The following RALY variants were observed in gnomAD, a reference collection of about 807,000 sequenced individuals.
The protein encoded by RALY is RALY heterogeneous nuclear ribonucleoprotein.
A neutral mutation model predicts 30.7 loss-of-function variants in RALY; 15 were observed. That is an observed-to-expected ratio of 0.49 (90% confidence interval 0.33 to 0.75). The LOEUF is 0.75. Among genes scored for constraint, RALY ranks in the 30% least tolerant of loss-of-function variants. The probability of loss-of-function intolerance (pLI) is 0.02; values close to 1 mark genes in which losing one functional copy is unlikely to be tolerated. For synonymous variants in RALY, 177 were observed against 170.8 expected (o/e 1.04, Z -0.28); for missense variants, 339 against 414.3 (o/e 0.82, Z 1.58).
chr20:34,026,417 T>G (rs1005763704), intron 1 of RALY, among the ~76,000 whole-genome samples: 1 of 147,534 alleles, frequency 6.8e-6, no homozygotes, highest in Non-Finnish European at 1.5e-5. Flanking sequence ...TTTATTTATT[T>G]ATTGAGGCGG....
chr20:34,001,907 C>T (rs2030934343), intron 1 of RALY, among the ~76,000 whole-genome samples: 3 of 152,126 alleles, frequency 2.0e-5, no homozygotes, highest in Admixed American at 2.0e-4. Flanking sequence ...GCTGGGACTG[C>T]AGGTGCCCAC....
intron 1 of RALY, among the ~76,000 whole-genome samples, chr20:34,012,769 G>A (rs982336603): frequency 6.6e-6 from 1 of 152,226 alleles, no homozygotes; most frequent in East Asian, 1.9e-4. Context: ...CAAGGCTCAT[G>A]CAGTCTGGTG....
chr20:34,055,122 C>T (rs945508161), intron 2 of RALY, among the ~76,000 whole-genome samples: 3 of 152,102 alleles, frequency 2.0e-5, no homozygotes, highest in Non-Finnish European at 2.9e-5. Context: ...ATACAGCCAA[C>T]GTATAGCAGA....
At chr20:34,027,236 T>TA (rs1294696200) in intron 1 of RALY, among the ~76,000 whole-genome samples, 1 of 152,066 alleles carries the variant, frequency 6.6e-6, no homozygotes, top group South Asian at 2.1e-4. Context: ...GGCTCTGGAG[T>TA]AAAGTAAAGC....
In RALY at chr20:34,044,327, C is replaced by CT. The variant is rs754831156; in HGVS notation, c.-10+12736dup. Among the ~76,000 whole-genome samples, 661 of 145,022 alleles carry CT rather than the reference C, an allele frequency of 4.6e-3. 6 individuals are homozygous for CT. The highest frequency in any genetic ancestry group is 0.013 in the African/African-American group (503 of 39,820). ...TAGCTGTGTGTTGGTATGTGCGTTA[C>CT]TTTTTTTTTTTTTCCGAGATGGGGT... is the stretch of plus-strand genomic sequence containing the variant. On this transcript the variant is annotated intron_variant, in intron 2 of 9. Coordinates refer to ENST00000246194, the MANE Select transcript of RALY (RefSeq NM_016732.3).
chr20:34,005,321 C>T (rs977050159), intron 1 of RALY, among the ~76,000 whole-genome samples: 8 of 152,054 alleles, frequency 5.3e-5, no homozygotes, highest in Admixed American at 2.0e-4. Flanking sequence ...ACCATCCTGA[C>T]GGAGTAGTGA....
intron 2 of RALY, among the ~76,000 whole-genome samples, chr20:34,051,510 A>G (rs2033076261): frequency 6.6e-6 from 1 of 152,204 alleles, no homozygotes; most frequent in Non-Finnish European, 1.5e-5. Flanking sequence ...AGTACAGAAC[A>G]TGTGTTAGGA....
chr20:34,024,382 G>A (rs1357255983), intron 1 of RALY, among the ~76,000 whole-genome samples: 1 of 152,218 alleles, frequency 6.6e-6, no homozygotes, highest in Non-Finnish European at 1.5e-5. Flanking sequence ...AATTCCTGCA[G>A]GGTTGGATCT....
At chr20:34,015,598 T>TA (rs1482240765) in intron 1 of RALY, among the ~76,000 whole-genome samples, 73 of 152,140 alleles carry the variant, frequency 4.8e-4, no homozygotes, top group African/African-American at 1.7e-3. Flanking sequence ...TTTTTTTTTT[T>TA]AACCTCCCAC....
At chr20:34,052,204 C>T (rs1049943259) in intron 2 of RALY, among the ~76,000 whole-genome samples, 2 of 152,170 alleles carry the variant, frequency 1.3e-5, no homozygotes, top group Admixed American at 6.5e-5. Context: ...TTTGCAGACC[C>T]TTATTGTGTG....
chr20:34,061,052 C>T lies in RALY; in HGVS notation c.-9-11014C>T, dbSNP rs547287712. On this transcript the variant is annotated intron_variant, in intron 2 of 9. Transcript: ENST00000246194. ...GTTTGTAAACAGCCATGATAAAAGA[C>T]AGAAAATGAGAAAACCTTTTCTTCT... Among the ~76,000 whole-genome samples, 6 of 152,290 alleles carry T rather than the reference C, an allele frequency of 3.9e-5. No individual in the cohort carries two copies. In the East Asian group the frequency reaches 1.2e-3, roughly 29 times the overall value.
At chr20:34,002,036 G>T (rs2030943620) in intron 1 of RALY, among the ~76,000 whole-genome samples, 1 of 152,138 alleles carries the variant, frequency 6.6e-6, no homozygotes, top group South Asian at 2.1e-4. Flanking sequence ...CAAAGTGCTG[G>T]GATTACAGGC....
At chr20:34,023,543 C>G (rs1222598981) in intron 1 of RALY, among the ~76,000 whole-genome samples, 1 of 152,046 alleles carries the variant, frequency 6.6e-6, no homozygotes, top group East Asian at 1.9e-4. Flanking sequence ...GTGGGGAGGC[C>G]TGTCCTTGGA....
In RALY at chr20:34,084,878, A is replaced by G. The variant is rs989398387; in HGVS notation, c.*4973A>G. The G allele has an allele frequency of 2.6e-5, 4 of 152,306 alleles. No homozygotes were observed. Among genetic ancestry groups the G allele is most frequent in the Non-Finnish European group, 5.9e-5 (4 of 68,078 alleles). The allele number at this position is 152,306 out of a possible 1,614,324, so 9.4% of individuals were successfully genotyped here. A position where few individuals can be genotyped will look rare whatever the true frequency, so the allele number is the denominator to read the frequency against. On this transcript the variant is annotated 3_prime_UTR_variant, in exon 10 of 10. Coordinates refer to ENST00000246194, the MANE Select transcript of RALY (RefSeq NM_016732.3). ...AGAGATAATAAAACGTTGTTTGAAG[A>G]TGCTAACTTTTGGAGTGATTTGTTG... is the stretch of plus-strand genomic sequence containing the variant.
intron 1 of RALY, among the ~76,000 whole-genome samples, chr20:34,014,535 A>G (rs1304379260): frequency 3.3e-5 from 5 of 152,222 alleles, no homozygotes; most frequent in African/African-American, 4.8e-5. Context: ...GAAATAATGC[A>G]TTTAAATTTG....
chr20:34,014,138 A>G (rs2031518117), intron 1 of RALY, among the ~76,000 whole-genome samples: 1 of 152,216 alleles, frequency 6.6e-6, no homozygotes, highest in Non-Finnish European at 1.5e-5. Flanking sequence ...CTCAGAACAC[A>G]TGAGTAGCCC....
At chr20:34,008,902 T>A (rs2031280930) in intron 1 of RALY, among the ~76,000 whole-genome samples, 1 of 152,172 alleles carries the variant, frequency 6.6e-6, no homozygotes, top group African/African-American at 2.4e-5. Flanking sequence ...CAAGCAGTTC[T>A]GCTACCTTGG....
chr20:34,011,581 A>G (rs1032362718), intron 1 of RALY, among the ~76,000 whole-genome samples: 1 of 152,220 alleles, frequency 6.6e-6, no homozygotes, highest in Non-Finnish European at 1.5e-5. Flanking sequence ...ATTTGAAACT[A>G]ACCATAAGCA....
chr20:34,027,583 T>G (rs554464401), intron 1 of RALY, among the ~76,000 whole-genome samples: 3 of 152,222 alleles, frequency 2.0e-5, no homozygotes, highest in Non-Finnish European at 4.4e-5. Context: ...TATTAGTAAT[T>G]TTTTGTGGGA....
Sources: gnomAD v4.1 joint callset for allele counts (sites outside exome capture counted in the v4.1 genomes callset) on GRCh38, gnomAD v4.1.1 for gene constraint, MANE v1.5 for transcripts, NCBI Gene and HGNC (gene_info 2026-07-23, HGNC 2026-07-21) for gene names.